STK32B: variants seen among roughly 807,000 people sequenced by gnomAD.
STK32B encodes the protein serine/threonine kinase 32B, also known as serine/threonine-protein kinase 32B.
A neutral mutation model predicts 52.6 loss-of-function variants in STK32B; 43 were observed. The observed-to-expected ratio is 0.82, with a 90% CI of 0.64 to 1.05. The LOEUF is 1.05. STK32B is among the 50% of genes least tolerant of loss of function. The probability of loss-of-function intolerance (pLI) is 0.00; values close to 1 mark genes in which losing one functional copy is unlikely to be tolerated. For missense variants in STK32B, 621 were observed against 534.6 expected (o/e 1.16, Z -1.59); for synonymous variants, 238 against 204.3 (o/e 1.17, Z -1.41).
At chr4:5,299,087 A>G (rs908432419) in intron 3 of STK32B, among the ~76,000 whole-genome samples, 11 of 151,848 alleles carry the variant, frequency 7.2e-5, no homozygotes, top group African/African-American at 1.9e-4. Context: ...GGGTGAGGCA[A>G]CATCCCACCC....
At chr4:5,472,917 A>C (rs1717951369) in intron 11 of STK32B, among the ~76,000 whole-genome samples, 1 of 152,086 alleles carries the variant, frequency 6.6e-6, no homozygotes, top group Admixed American at 6.6e-5. Context: ...TGTGCCTTGC[A>C]GGATACTTAA....
chr4:5,275,135 C>T (rs898965778), intron 3 of STK32B, among the ~76,000 whole-genome samples: 6 of 152,144 alleles, frequency 3.9e-5, no homozygotes, highest in African/African-American at 1.4e-4. Context: ...GGAAGTGGCC[C>T]ACCGCCATTT....
chr4:5,258,735 T>C (rs1018667543), intron 3 of STK32B, among the ~76,000 whole-genome samples: 14 of 152,218 alleles, frequency 9.2e-5, no homozygotes, highest in Admixed American at 2.6e-4. Flanking sequence ...TTGTAACAGC[T>C]TCATGCCTGG....
At chr4:5,202,321 C>T (rs374086623) in intron 3 of STK32B, among the ~76,000 whole-genome samples, 33 of 152,374 alleles carry the variant, frequency 2.2e-4, no homozygotes, top group African/African-American at 6.0e-4. Context: ...GGCCTTGGGC[C>T]GCTCTGCCCC....
At chr4:5,202,471 G>A (rs772085952) in intron 3 of STK32B, among the ~76,000 whole-genome samples, 42 of 152,216 alleles carry the variant, frequency 2.8e-4, no homozygotes, top group Non-Finnish European at 4.1e-4. Flanking sequence ...GAGGAAAGTG[G>A]CCCTTTCTCA....
intron 3 of STK32B, among the ~76,000 whole-genome samples, chr4:5,227,860 A>C (rs1168117970): frequency 6.6e-6 from 1 of 152,202 alleles, no homozygotes; most frequent in Non-Finnish European, 1.5e-5. Flanking sequence ...AATTTGAGGT[A>C]GTGAGAAATC....
chr4:5,170,243 G>T (rs1719251759), intron 3 of STK32B, among the ~76,000 whole-genome samples: 1 of 152,134 alleles, frequency 6.6e-6, no homozygotes, highest in African/African-American at 2.4e-5. Context: ...GAGCTTGTAT[G>T]ATGTATGTTA....
At chr4:5,110,062 T>C (rs1714313960) in intron 1 of STK32B, among the ~76,000 whole-genome samples, 1 of 150,642 alleles carries the variant, frequency 6.6e-6, no homozygotes, top group Non-Finnish European at 1.5e-5. Context: ...GAAAGAGCTC[T>C]ATAAGGAGAA....
intron 2 of STK32B, among the ~76,000 whole-genome samples, chr4:5,162,778 G>A (rs1162450325): frequency 3.9e-5 from 6 of 152,188 alleles, no homozygotes; most frequent in Admixed American, 2.6e-4. Flanking sequence ...AAACTTAGGC[G>A]AGGTGCCACT....
intron 11 of STK32B, among the ~76,000 whole-genome samples, chr4:5,476,032 T>C (rs1370367529): frequency 8.6e-5 from 13 of 151,926 alleles, no homozygotes. Flanking sequence ...GTAGCTGGGA[T>C]TACAGGCACC....
intron 4 of STK32B, chr4:5,345,570 A>G (rs1472509038): frequency 6.6e-6 from 1 of 152,200 alleles, no homozygotes; most frequent in African/African-American, 2.4e-5. Flanking sequence ...TCTGTGTTAA[A>G]TCTTCTGCAG....
At chr4:5,123,725 A>T (rs1277489628) in intron 1 of STK32B, among the ~76,000 whole-genome samples, 1 of 152,068 alleles carries the variant, frequency 6.6e-6, no homozygotes, top group East Asian at 1.9e-4. Context: ...TGACCCATTT[A>T]ACCTTAATTA....
intron 2 of STK32B, among the ~76,000 whole-genome samples, chr4:5,152,924 C>A (rs903631325): frequency 3.9e-5 from 6 of 152,216 alleles, no homozygotes; most frequent in Non-Finnish European, 7.3e-5. Context: ...CCTAAAGAGT[C>A]CTGACTAATC....
In STK32B at chr4:5,427,220, C is replaced by T. The variant is rs375843893; in HGVS notation, c.562+10286C>T. The stretch of plus-strand genomic sequence containing the variant: ...GACTGACTTTGAAATGTTGAACCAG[C>T]CTTACCTTCCCAGAAGAAACCCTGT... On this transcript the variant is annotated intron_variant, in intron 6 of 11. Coordinates refer to ENST00000282908, the MANE Select transcript of STK32B (RefSeq NM_018401.3). Among the ~76,000 whole-genome samples, 11 of 152,280 alleles carry T rather than the reference C, an allele frequency of 7.2e-5. No individual in the cohort carries two copies. The South Asian group carries it at 2.3e-3, about 32-fold the overall frequency.
chr4:5,491,795 A>G (rs907170870), intron 11 of STK32B, among the ~76,000 whole-genome samples: 3 of 151,604 alleles, frequency 2.0e-5, no homozygotes, highest in Admixed American at 1.3e-4. Flanking sequence ...CTTTCTCCAT[A>G]TGGCTAGCCA....
intron 2 of STK32B, among the ~76,000 whole-genome samples, chr4:5,161,621 G>A (rs976172454): frequency 6.6e-6 from 1 of 152,202 alleles, no homozygotes; most frequent in African/African-American, 2.4e-5. Flanking sequence ...GGCTAGAACT[G>A]TGGCTGTTGC....
intron 11 of STK32B, among the ~76,000 whole-genome samples, chr4:5,488,222 C>G (rs1056962762): frequency 1.3e-5 from 2 of 152,086 alleles, no homozygotes; most frequent in Non-Finnish European, 2.9e-5. Flanking sequence ...CACTTGAACC[C>G]GGGAGGCAGA....
intron 3 of STK32B, among the ~76,000 whole-genome samples, chr4:5,203,511 T>C (rs1722318967): frequency 6.6e-6 from 1 of 152,124 alleles, no homozygotes; most frequent in African/African-American, 2.4e-5. Flanking sequence ...CCTGTCTCCC[T>C]TGTAGTGCTG....
chr4:5,379,357 C>T (rs1247794633), intron 4 of STK32B, among the ~76,000 whole-genome samples: 1 of 152,140 alleles, frequency 6.6e-6, no homozygotes, highest in African/African-American at 2.4e-5. Flanking sequence ...GCGTGCTCCC[C>T]TCCTTGATTT....
Sources: allele counts gnomAD v4.1 joint callset (sites outside exome capture counted in the v4.1 genomes callset), GRCh38; gene constraint gnomAD v4.1.1; transcripts MANE v1.5; gene names NCBI Gene and HGNC (gene_info 2026-07-23, HGNC 2026-07-21).